FAT2: variants seen among roughly 807,000 people sequenced by gnomAD.
FAT2 encodes protocadherin Fat 2.
A neutral mutation model predicts 295.3 loss-of-function variants in FAT2; 150 were observed. The observed-to-expected ratio is 0.51, with a 90% CI of 0.44 to 0.58. The LOEUF (loss-of-function observed/expected upper bound fraction) is 0.58. Among genes scored for constraint, FAT2 ranks in the 20% least tolerant of loss-of-function variants. FAT2 has a pLI of 0.00. For missense variants in FAT2, 4,868 were observed against 5,442.7 expected, an observed-to-expected ratio of 0.89 and a Z score of 3.32; for synonymous variants, 2,026 against 2,150.3, an observed-to-expected ratio of 0.94 and a Z score of 1.60.
intron 19 of FAT2, among the ~76,000 whole-genome samples, chr5:151,518,903 G>A (rs890646676): frequency 2.0e-5 from 3 of 152,178 alleles, no homozygotes; most frequent in East Asian, 1.9e-4. Flanking sequence ...AAACCCCAGT[G>A]TAAATAAGCT....
Position 151,587,706 on chromosome 5 carries a change from T to C in FAT2, c.-21+3459A>G, listed in dbSNP as rs80261503. 7.7e-4 allele frequency among the ~76,000 whole-genome samples: 117 copies of C among 152,242 alleles called. 4 individuals carry two copies. In the East Asian group the frequency reaches 0.021, roughly 28 times the overall value. On this transcript the variant is annotated intron_variant, in intron 1 of 23. Coordinates refer to ENST00000261800, the MANE Select transcript of FAT2 (RefSeq NM_001447.3). Reference sequence around the variant, plus strand: ...TCTGCCTCTATCAACTGTGAGTCTTTGGGGGCCTGACACATTATAACTGCT... The same window carrying C: ...TCTGCCTCTATCAACTGTGAGTCTTCGGGGGCCTGACACATTATAACTGCT...
Position 151,563,545 on chromosome 5 carries a change from A to G in FAT2, c.3354T>C (p.Ser1118=), listed in dbSNP as rs111414347. ...LAVDRGSVPL[S]SVTEVYIEVT... The stretch of plus-strand genomic sequence containing the variant: ...CCTCGATGTAGACTTCAGTTACAGA[A>G]GAGAGGGGCACAGAACCCCTGTCCA... The change falls in exon 3 of 24, where the codon TCT becomes TCC. Residue 1118 remains serine (S), a synonymous_variant. Transcript: ENST00000261800. The G allele has an allele frequency of 7.4e-5, 119 of 1,614,176 alleles. 2 individuals carry two copies. The African/African-American group carries it at 1.3e-3, about 18-fold the overall frequency.
At chr5:151,574,563 A>G (rs1758667576) in intron 1 of FAT2, among the ~76,000 whole-genome samples, 1 of 152,230 alleles carries the variant, frequency 6.6e-6, no homozygotes, top group African/African-American at 2.4e-5. Context: ...TCTTAGTAGT[A>G]GGGAGTGATT....
At chr5:151,592,534 A>T (rs550128582), upstream of FAT2, among the ~76,000 whole-genome samples, 364 of 152,256 alleles carry the variant, frequency 2.4e-3, no homozygotes, top group Middle Eastern at 0.01. Flanking sequence ...TCTCCCAGCA[A>T]TCAGTTTGAG....
intron 3 of FAT2, among the ~76,000 whole-genome samples, chr5:151,559,368 G>T (rs990080914): frequency 2.6e-5 from 4 of 152,152 alleles, no homozygotes; most frequent in African/African-American, 9.7e-5. Flanking sequence ...ACACACTCCT[G>T]TAGGACAGGA....
At chr5:151,510,355 C>A (rs1761226815) in intron 21 of FAT2, 181 bp from the exon 22 acceptor site, 6 of 619,548 alleles carry the variant, frequency 9.7e-6, no homozygotes, top group Admixed American at 3.0e-5. Context: ...GCACTTTGGT[C>A]CCTGCCCTCA....
rs1756416037 is a variant in FAT2 at position 151,544,217 on chromosome 5, T to C, written c.6910A>G (p.Asn2304Asp). The change falls in exon 10 of 24, where the codon AAC becomes GAC. Residue 2304 changes from asparagine to aspartate, a missense_variant. Asn to Asp is a conservative substitution (Grantham distance 23, BLOSUM62 1). This residue lies in a region of FAT2 where 3,297 missense variants were observed against 3,669.4 expected (regional missense o/e 0.90). Coordinates refer to ENST00000261800, the MANE Select transcript of FAT2 (RefSeq NM_001447.3). Reference sequence around the variant, plus strand: ...ACAATCTGATAAGAGACGTCACGGTTCCGCCCTGAGTCCTGGTCAGAAGCC... The same window carrying C: ...ACAATCTGATAAGAGACGTCACGGTCCCGCCCTGAGTCCTGGTCAGAAGCC... ...LLASDQDSGR[N>D]RDVSYQIVED... The C allele has an allele frequency of 6.2e-7, 1 of 1,613,914 alleles. No individual in the cohort carries two copies. Among genetic ancestry groups the C allele is most frequent in the Non-Finnish European group, 8.5e-7 (1 of 1,179,784 alleles).
chr5:151,505,492 C>A lies in FAT2; in HGVS notation c.*73G>T. 6.3e-7 allele frequency: 1 copy of A among 1,576,094 alleles called. No homozygotes were observed. The highest frequency in any genetic ancestry group is 8.7e-7 in the Non-Finnish European group (1 of 1,155,580). On this transcript the variant is annotated 3_prime_UTR_variant, in exon 24 of 24. Transcript: ENST00000261800. ...CTCTCCCAGCCACACTCAACTCACC[C>A]CCTACGAGACAGGAAGAAATAAGCC...
chr5:151,508,046 C>T (rs185242772), intron 22 of FAT2, among the ~76,000 whole-genome samples: 41 of 152,296 alleles, frequency 2.7e-4, no homozygotes, highest in Non-Finnish European at 4.1e-4. Context: ...CAGGAGCCAA[C>T]GTGGTCCTGC....
chr5:151,511,876 T>C (rs1561813550), intron 21 of FAT2: 2 of 437,160 alleles, frequency 4.6e-6, no homozygotes, highest in Non-Finnish European at 8.3e-6. Flanking sequence ...CATAGACCAG[T>C]GATGACACTA....
At chr5:151,524,354 A>G (rs935247212) in intron 18 of FAT2, among the ~76,000 whole-genome samples, 9 of 152,120 alleles carry the variant, frequency 5.9e-5, no homozygotes, top group Non-Finnish European at 1.3e-4. Flanking sequence ...CTCAAAATTC[A>G]TATGTTAAAA....
At chr5:151,584,387 T>C (rs1759088513) in intron 1 of FAT2, among the ~76,000 whole-genome samples, 2 of 152,198 alleles carry the variant, frequency 1.3e-5, no homozygotes, top group Admixed American at 1.3e-4. Flanking sequence ...ATTTTTCTGT[T>C]CTTGGAGCAA....
At chr5:151,555,587 C>T (rs1454646336) in intron 4 of FAT2, among the ~76,000 whole-genome samples, 1 of 152,046 alleles carries the variant, frequency 6.6e-6, no homozygotes, top group Non-Finnish European at 1.5e-5. Context: ...CCAGGCTGGT[C>T]TTGAACTCCT....
intron 1 of FAT2, 126 bp from the exon 2 acceptor site, chr5:151,569,077 C>G: frequency 1.0e-6 from 1 of 969,000 alleles, no homozygotes; most frequent in Non-Finnish European, 1.5e-6. Context: ...ATACTTTTGG[C>G]TGACCCAGCT....
chr5:151,553,342 G>T lies in FAT2; in HGVS notation c.3991C>A (p.Arg1331=), dbSNP rs746994544. 6.2e-7 allele frequency: 1 copy of T among 1,614,092 alleles called. No homozygotes were observed. Among genetic ancestry groups the T allele is most frequent in the Non-Finnish European group, 8.5e-7 (1 of 1,180,052 alleles). The change falls in exon 6 of 24, where the codon CGG becomes AGG. Residue 1331 remains arginine, a synonymous_variant. Coordinates refer to ENST00000261800, the MANE Select transcript of FAT2 (RefSeq NM_001447.3). ...SGQPPLSASV[R]LHIEWIPWPR... ...CAAGGGATCCACTCAATGTGTAGCC[G>T]GACACTGGCTGAGAGTGGTGGCTGC...
chr5:151,537,358 G>A (rs978556585), intron 12 of FAT2, among the ~76,000 whole-genome samples: 1 of 143,042 alleles, frequency 7.0e-6, no homozygotes, highest in African/African-American at 2.6e-5. Context: ...GAAAAAAGAA[G>A]GAAGGAAGGA....
chr5:151,515,197 G>A (rs1752730581), intron 20 of FAT2, among the ~76,000 whole-genome samples: 1 of 152,116 alleles, frequency 6.6e-6, no homozygotes, highest in African/African-American at 2.4e-5. Context: ...CTTGATACGT[G>A]TTCTTCACTT....
intron 13 of FAT2, among the ~76,000 whole-genome samples, chr5:151,532,589 T>G (rs1446589213): frequency 1.3e-5 from 2 of 152,222 alleles, no homozygotes; most frequent in Admixed American, 1.3e-4. Context: ...CCAGTCCTAT[T>G]TTTGCAACTT....
intron 9 of FAT2, among the ~76,000 whole-genome samples, chr5:151,548,005 T>C (rs1276155963): frequency 1.3e-5 from 2 of 152,220 alleles, no homozygotes; most frequent in Non-Finnish European, 2.9e-5. Flanking sequence ...AGTCATTATC[T>C]CCATCAATGA....
Sources: allele counts gnomAD v4.1 joint callset (sites outside exome capture counted in the v4.1 genomes callset), GRCh38; gene constraint gnomAD v4.1.1; regional missense constraint gnomAD v4.1.1; transcripts MANE v1.5; gene names NCBI Gene and HGNC (gene_info 2026-07-23, HGNC 2026-07-21).